Variants in PTPRR observed in about 807,000 individuals in gnomAD.
The protein encoded by PTPRR is receptor-type tyrosine-protein phosphatase R.
A neutral mutation model predicts 77.2 loss-of-function variants in PTPRR; 38 were observed. The ratio of observed to expected loss-of-function variants is 0.49; its 90% CI spans 0.38 to 0.65. PTPRR has a LOEUF of 0.65. Ranked by LOEUF, PTPRR falls within the 30% of genes least tolerant of loss-of-function variation. The pLI is 0.00. For missense variants in PTPRR, 744 were observed against 799.2 expected (o/e 0.93, Z 0.83); for synonymous variants, 299 against 283.1 (o/e 1.06, Z -0.57).
rs114378352 is a variant in PTPRR at position 70,810,377 on chromosome 12, A to G, written c.358-45599T>C. On this transcript the variant is annotated intron_variant, in intron 2 of 13. Transcript: ENST00000283228. Reference sequence around the variant, plus strand: ...CTAACATTAGGTAGTAATATTAAAAACACTTATTCTTTAAGAACGTAGACA... The same window carrying G: ...CTAACATTAGGTAGTAATATTAAAAGCACTTATTCTTTAAGAACGTAGACA... 4.6e-3 allele frequency among the ~76,000 whole-genome samples: 669 copies of G among 146,270 alleles called. 8 individuals are homozygous for G. Among genetic ancestry groups the G allele is most frequent in the African/African-American group, 0.017 (647 of 37,148 alleles).
intron 6 of PTPRR, among the ~76,000 whole-genome samples, chr12:70,732,414 C>A (rs947053636): frequency 6.6e-6 from 1 of 152,162 alleles, no homozygotes; most frequent in Non-Finnish European, 1.5e-5. Flanking sequence ...CCCCTCAGAG[C>A]CCCAGGTGCA....
chr12:70,796,811 T>A (rs1321886710), intron 2 of PTPRR, among the ~76,000 whole-genome samples: 2 of 151,554 alleles, frequency 1.3e-5, no homozygotes, highest in Non-Finnish European at 2.9e-5. Context: ...AGGTGGATTA[T>A]CAGGTCAGGA....
At chr12:70,706,504 T>C (rs1888624210) in intron 6 of PTPRR, among the ~76,000 whole-genome samples, 2 of 151,806 alleles carry the variant, frequency 1.3e-5, no homozygotes, top group African/African-American at 4.8e-5. Context: ...AAAAAGAAAA[T>C]CTTTTAACAT....
chr12:70,771,550 A>G (rs984828474), intron 2 of PTPRR, among the ~76,000 whole-genome samples: 2 of 152,164 alleles, frequency 1.3e-5, no homozygotes, highest in Non-Finnish European at 2.9e-5. Flanking sequence ...CTAAAATAAA[A>G]GTTGATTTTT....
chr12:70,843,454 A>C (rs757923420), intron 2 of PTPRR, among the ~76,000 whole-genome samples: 3 of 152,212 alleles, frequency 2.0e-5, no homozygotes, highest in Non-Finnish European at 2.9e-5. Flanking sequence ...TACAATATTA[A>C]TATTACACAA....
At chr12:70,880,436 T>G (rs1263445687) in intron 2 of PTPRR, among the ~76,000 whole-genome samples, 2 of 152,198 alleles carry the variant, frequency 1.3e-5, no homozygotes, top group Non-Finnish European at 2.9e-5. Flanking sequence ...TCTCTGAATA[T>G]CTAACAGAAT....
intron 6 of PTPRR, among the ~76,000 whole-genome samples, chr12:70,731,168 T>C (rs1889649181): frequency 7.3e-6 from 1 of 137,868 alleles, no homozygotes; most frequent in Non-Finnish European, 1.6e-5. Context: ...AAAATATACT[T>C]TAAAGTGAAA....
At chr12:70,908,576 T>C (rs1370497061) in intron 1 of PTPRR, among the ~76,000 whole-genome samples, 2 of 152,130 alleles carry the variant, frequency 1.3e-5, no homozygotes, top group Non-Finnish European at 2.9e-5. Flanking sequence ...GCCCCATGAT[T>C]CAATTATCTC....
intron 1 of PTPRR, among the ~76,000 whole-genome samples, chr12:70,912,159 C>A (rs1472438961): frequency 2.6e-5 from 4 of 152,218 alleles, no homozygotes; most frequent in African/African-American, 7.2e-5. Context: ...GATGGTCTTT[C>A]AACCTAACTA....
chr12:70,768,379 A>G (rs941146603), intron 2 of PTPRR, among the ~76,000 whole-genome samples: 10 of 152,304 alleles, frequency 6.6e-5, no homozygotes, highest in African/African-American at 2.4e-4. Flanking sequence ...TACTACAAAC[A>G]CCTCTACGCA....
At chr12:70,851,575 C>T (rs983184416) in intron 2 of PTPRR, among the ~76,000 whole-genome samples, 3 of 152,014 alleles carry the variant, frequency 2.0e-5, no homozygotes, top group Admixed American at 2.0e-4. Flanking sequence ...ATAAGAGAAT[C>T]CACTCTGTAG....
intron 6 of PTPRR, among the ~76,000 whole-genome samples, chr12:70,702,835 G>T (rs1336344268): frequency 6.6e-6 from 1 of 151,900 alleles, no homozygotes; most frequent in Non-Finnish European, 1.5e-5. Flanking sequence ...GCCTTTTAAT[G>T]GTTGAAACTA....
Position 70,775,116 on chromosome 12 carries a change from T to C in PTPRR, c.358-10338A>G, listed in dbSNP as rs75906431. Among the ~76,000 whole-genome samples the C allele has an allele frequency of 5.7e-3, 870 of 152,370 alleles. 10 individuals carry two copies. The highest frequency in any genetic ancestry group is 0.019 in the African/African-American group (811 of 41,592). On this transcript the variant is annotated intron_variant, in intron 2 of 13. Transcript: ENST00000283228. ...TCCAAATGCAAATGGTAAGCCACTTTACAACAGTACATAATTTCATAGAGT... is the reference window on the plus strand; with the variant it reads ...TCCAAATGCAAATGGTAAGCCACTTCACAACAGTACATAATTTCATAGAGT...
intron 6 of PTPRR, among the ~76,000 whole-genome samples, chr12:70,745,236 C>T (rs1890175079): frequency 6.6e-6 from 1 of 152,110 alleles, no homozygotes; most frequent in South Asian, 2.1e-4. Context: ...GGCTATTGGC[C>T]AGGCTGGTCT....
At chr12:70,914,386 A>C (rs1893744085) in intron 1 of PTPRR, among the ~76,000 whole-genome samples, 1 of 152,216 alleles carries the variant, frequency 6.6e-6, no homozygotes, top group South Asian at 2.1e-4. Flanking sequence ...CACCTCCGAC[A>C]TTATTATAAA....
At chr12:70,801,131 C>T (rs2137020115) in intron 2 of PTPRR, among the ~76,000 whole-genome samples, 1 of 151,938 alleles carries the variant, frequency 6.6e-6, no homozygotes, top group Non-Finnish European at 1.5e-5. Context: ...AGGTTATGAC[C>T]CTGAATCTTC....
At chr12:70,650,021 C>A (rs1366613376) in intron 13 of PTPRR, among the ~76,000 whole-genome samples, 1 of 152,178 alleles carries the variant, frequency 6.6e-6, no homozygotes, top group Non-Finnish European at 1.5e-5. Context: ...TGAGGAAATT[C>A]ATCTGTGGTC....
chr12:70,850,750 A>G (rs1354981509), intron 2 of PTPRR, among the ~76,000 whole-genome samples: 2 of 152,106 alleles, frequency 1.3e-5, no homozygotes, highest in African/African-American at 4.8e-5. Flanking sequence ...TCACTCTCGC[A>G]TTTTACTCAG....
chr12:70,751,252 G>T (rs1288016476), intron 5 of PTPRR, among the ~76,000 whole-genome samples: 1 of 152,208 alleles, frequency 6.6e-6, no homozygotes, highest in East Asian at 1.9e-4. Context: ...TGTTGCTGAG[G>T]ATTGGGACAC....
Sources: gnomAD v4.1 joint callset for allele counts (sites outside exome capture counted in the v4.1 genomes callset) on GRCh38, gnomAD v4.1.1 for gene constraint, MANE v1.5 for transcripts, NCBI Gene and HGNC (gene_info 2026-07-23, HGNC 2026-07-21) for gene names.